Variants in TBX5 observed in about 807,000 individuals in gnomAD.
The protein encoded by TBX5 is T-box transcription factor 5.
TBX5 carries 8 observed loss-of-function variants against 51.1 expected under a neutral mutation model. The ratio of observed to expected loss-of-function variants is 0.16; its 90% CI spans 0.09 to 0.28. The LOEUF is 0.28. Ranked by LOEUF, TBX5 falls within the 10% of genes least tolerant of loss-of-function variation. TBX5 has a pLI of 1.00. For synonymous variants in TBX5, 302 were observed against 266.4 expected, an observed-to-expected ratio of 1.13 and a Z score of -1.30; for missense variants, 589 against 671.7, an observed-to-expected ratio of 0.88 and a Z score of 1.36.
chr12:114,384,728 C>CAG (rs1870700870), intron 7 of TBX5, among the ~76,000 whole-genome samples: 1 of 128,604 alleles, frequency 7.8e-6, no homozygotes, highest in African/African-American at 3.4e-5. Context: ...CACACACACA[C>CAG]ACACACACAC....
At chr12:114,403,719 T>G in intron 2 of TBX5, 33 bp downstream of exon 2, 1 of 1,609,896 alleles carries the variant, frequency 6.2e-7, no homozygotes, top group East Asian at 2.2e-5. Flanking sequence ...CTTTGATCTC[T>G]GCAAAGGGAC....
chr12:114,398,913 C>T (rs192747225), intron 4 of TBX5, among the ~76,000 whole-genome samples, 193 bp from the exon 5 acceptor site: 241 of 152,304 alleles, frequency 1.6e-3, no homozygotes, highest in African/African-American at 5.4e-3. Flanking sequence ...TGCGCCCAGG[C>T]AAGCCCCTGG....
At chr12:114,371,085 C>A (rs1379900100) in intron 7 of TBX5, among the ~76,000 whole-genome samples, 7 of 152,164 alleles carry the variant, frequency 4.6e-5, no homozygotes, top group Non-Finnish European at 8.8e-5. Context: ...GCAAATCCCA[C>A]TTTATAAAGC....
At chr12:114,398,407 C>T (rs1247802732) in intron 5 of TBX5, among the ~76,000 whole-genome samples, 166 bp downstream of exon 5, 1 of 151,694 alleles carries the variant, frequency 6.6e-6, no homozygotes. Flanking sequence ...GGAAGGAAGT[C>T]CAGATCAAGA....
At chr12:114,376,361 G>C (rs1354752629) in intron 7 of TBX5, among the ~76,000 whole-genome samples, 1 of 152,154 alleles carries the variant, frequency 6.6e-6, no homozygotes, top group Non-Finnish European at 1.5e-5. Flanking sequence ...AATGAACCTG[G>C]AGGACATTGT....
At chr12:114,368,080 T>C (rs1159114191) in intron 7 of TBX5, among the ~76,000 whole-genome samples, 4 of 152,240 alleles carry the variant, frequency 2.6e-5, no homozygotes, top group African/African-American at 4.8e-5. Flanking sequence ...CTTTAACTTA[T>C]GACATTTTAA....
At chr12:114,366,419 C>T in intron 7 of TBX5, 28 bp from the exon 8 acceptor site, 1 of 1,607,052 alleles carries the variant, frequency 6.2e-7, no homozygotes, top group South Asian at 1.1e-5. Flanking sequence ...GGAGATAACG[C>T]CTATCAGTGC....
intron 3 of TBX5, among the ~76,000 whole-genome samples, chr12:114,401,584 G>C (rs931885584): frequency 6.6e-6 from 1 of 152,038 alleles, no homozygotes; most frequent in African/African-American, 2.4e-5. Context: ...CCCAGTTTCC[G>C]GGCTTGAACT....
At position 114,366,151 on chromosome 12, in the gene TBX5, G is replaced by A. The variant is rs377223201; in HGVS notation, c.982+14C>T. ...AAGAAAGAAAGCAAATTGACCAGGG[G>A]TGATCACACTCACCTTTCCTCTTGG... is the stretch of plus-strand genomic sequence containing the variant. On this transcript the variant is annotated intron_variant, in intron 8 of 8. Coordinates refer to ENST00000405440, the MANE Select transcript of TBX5 (RefSeq NM_181486.4). 1.3e-5 allele frequency: 21 copies of A among 1,613,420 alleles called. No individual in the cohort carries two copies. The highest frequency in any genetic ancestry group is 1.5e-5 in the Non-Finnish European group (18 of 1,179,446).
In TBX5 at chr12:114,405,808, T is replaced by C; in HGVS notation, c.-219A>G. On this transcript the variant is annotated 5_prime_UTR_variant, in exon 1 of 9. Transcript: ENST00000405440. ...CTACCGCTGGAGCCTCCGCGGCGAC[T>C]GCCCACCTCCAACACACACCTCCTC... The C allele has an allele frequency of 4.1e-6, 4 of 985,574 alleles. No homozygotes were observed. Among genetic ancestry groups the C allele is most frequent in the Non-Finnish European group, 4.8e-6 (4 of 830,038 alleles). The allele number at this position is 985,574 out of a possible 1,614,324, so 61.1% of individuals were successfully genotyped here.
At chr12:114,399,435 C>G (rs1871652330) in intron 4 of TBX5, 78 bp downstream of exon 4, 3 of 1,576,392 alleles carry the variant, frequency 1.9e-6, no homozygotes, top group Middle Eastern at 3.4e-4. Context: ...AAAAAGTTCA[C>G]TGATACAACT....
At chr12:114,400,115 A>C (rs1215310056) in intron 3 of TBX5, among the ~76,000 whole-genome samples, 1 of 152,122 alleles carries the variant, frequency 6.6e-6, no homozygotes, top group Non-Finnish European at 1.5e-5. Context: ...CCAGAGATGC[A>C]CACGCGTGGG....
At chr12:114,406,805 A>G (rs1349119313), upstream of TBX5, among the ~76,000 whole-genome samples, 1 of 151,810 alleles carries the variant, frequency 6.6e-6, no homozygotes, top group Non-Finnish European at 1.5e-5. Context: ...TAGGGTTTTC[A>G]TCTCCACTGG....
At chr12:114,400,186 G>T (rs1468099844) in intron 3 of TBX5, among the ~76,000 whole-genome samples, 2 of 152,154 alleles carry the variant, frequency 1.3e-5, no homozygotes, top group Admixed American at 6.5e-5. Flanking sequence ...GGAAGGCCGC[G>T]GTTCCCAGTA....
intron 7 of TBX5, among the ~76,000 whole-genome samples, chr12:114,384,235 CT>C (rs1870667846): frequency 6.6e-6 from 1 of 151,262 alleles, no homozygotes; most frequent in Non-Finnish European, 1.5e-5. Context: ...TACCACACTC[CT>C]TGTTTTTTTA....
rs867451604 is a variant in TBX5 at position 114,370,316 on chromosome 12, G to A, written c.756-3925C>T. Among the ~76,000 whole-genome samples, 305 of 123,292 alleles carry A rather than the reference G, an allele frequency of 2.5e-3. 6 individuals carry two copies. Among genetic ancestry groups the A allele is most frequent in the African/African-American group, 8.8e-3 (291 of 33,004 alleles). 80.9% of individuals were successfully genotyped at this position (123,292 alleles called of 152,430 possible). A position where few individuals can be genotyped will look rare whatever the true frequency, so the allele number is the denominator to read the frequency against. On this transcript the variant is annotated intron_variant, in intron 7 of 8. Coordinates refer to ENST00000405440, the MANE Select transcript of TBX5 (RefSeq NM_181486.4). ...AGAAAAGAAAAGAAAAGAAAAGAAA[G>A]AAAAGAAAAGAAAAGAGAAAAGAAA...
intron 7 of TBX5, among the ~76,000 whole-genome samples, chr12:114,385,242 T>C (rs1382085966): frequency 6.6e-6 from 1 of 152,204 alleles, no homozygotes; most frequent in Non-Finnish European, 1.5e-5. Context: ...AATGCCGAAC[T>C]CTTCGTACCT....
At chr12:114,397,479 G>A (rs1397735050) in intron 5 of TBX5, among the ~76,000 whole-genome samples, 4 of 152,200 alleles carry the variant, frequency 2.6e-5, no homozygotes, top group Non-Finnish European at 4.4e-5. Context: ...TACAGAATCC[G>A]TGTTCTGTTC....
intron 6 of TBX5, among the ~76,000 whole-genome samples, chr12:114,388,086 C>G (rs904851309): frequency 2.0e-5 from 3 of 152,074 alleles, no homozygotes; most frequent in African/African-American, 7.2e-5. Context: ...TGAGCTCAAG[C>G]AATCCTCCTG....
Sources: allele counts gnomAD v4.1 joint callset (sites outside exome capture counted in the v4.1 genomes callset), GRCh38; gene constraint gnomAD v4.1.1; transcripts MANE v1.5; gene names NCBI Gene and HGNC (gene_info 2026-07-23, HGNC 2026-07-21).